LRP1B: variants seen among roughly 807,000 people sequenced by gnomAD.
LRP1B encodes the protein low-density lipoprotein receptor-related protein 1B.
LRP1B carries 217 observed loss-of-function variants against 556.6 expected under a neutral mutation model. That is an observed-to-expected ratio of 0.39 (90% CI 0.35 to 0.44). The LOEUF (loss-of-function observed/expected upper bound fraction) is 0.44, where lower values mean the gene tolerates loss of function less well. LRP1B is among the 20% of genes least tolerant of loss of function. LRP1B has a pLI of 1.00. For synonymous variants in LRP1B, 2,047 were observed against 1,865.8 expected, an observed-to-expected ratio of 1.10 and a Z score of -2.50; for missense variants, 5,053 against 5,620.8, an observed-to-expected ratio of 0.90 and a Z score of 3.23.
chr2:141,925,374 A>C (rs929169697), intron 1 of LRP1B, among the ~76,000 whole-genome samples: 18 of 152,184 alleles, frequency 1.2e-4, no homozygotes, highest in Admixed American at 1.2e-3. Flanking sequence ...ACAAATGAAG[A>C]GTTTGATACA....
At chr2:140,496,846 T>C (rs1339464267) in intron 55 of LRP1B, among the ~76,000 whole-genome samples, 1 of 151,954 alleles carries the variant, frequency 6.6e-6, no homozygotes, top group Non-Finnish European at 1.5e-5. Context: ...CAAAAGTAAC[T>C]AGTATTCAAG....
intron 1 of LRP1B, among the ~76,000 whole-genome samples, chr2:142,060,497 T>G (rs1015268094): frequency 9.2e-5 from 14 of 152,000 alleles, no homozygotes; most frequent in African/African-American, 2.4e-4. Context: ...AAGAGGTGGA[T>G]GGGTATGTCA....
At chr2:140,424,682 T>C (rs940952499) in intron 66 of LRP1B, among the ~76,000 whole-genome samples, 2 of 152,216 alleles carry the variant, frequency 1.3e-5, no homozygotes, top group African/African-American at 2.4e-5. Context: ...TTTTCAAAAG[T>C]GTATCATGCA....
At chr2:140,603,944 T>C (rs1682769102) in intron 41 of LRP1B, among the ~76,000 whole-genome samples, 1 of 152,098 alleles carries the variant, frequency 6.6e-6, no homozygotes, top group South Asian at 2.1e-4. Context: ...TGAGAGGGCA[T>C]GTGGCATGTA....
chr2:140,646,603 C>CACAT (rs142791165), intron 41 of LRP1B, among the ~76,000 whole-genome samples: 2,674 of 152,178 alleles, frequency 0.018, 44 homozygotes, highest in Admixed American at 0.047. Context: ...AAATAAAGTA[C>CACAT]ACATATAGCA....
intron 18 of LRP1B, among the ~76,000 whole-genome samples, chr2:140,957,116 T>G (rs1695897327): frequency 1.3e-5 from 2 of 151,754 alleles, no homozygotes; most frequent in African/African-American, 4.8e-5. Flanking sequence ...TGATAGATGT[T>G]ATTTTATAGG....
At chr2:141,367,020 T>C (rs1689065111) in intron 3 of LRP1B, among the ~76,000 whole-genome samples, 1 of 152,208 alleles carries the variant, frequency 6.6e-6, no homozygotes, top group South Asian at 2.1e-4. Context: ...TGTTGTTATG[T>C]GATTATGGAC....
intron 1 of LRP1B, among the ~76,000 whole-genome samples, chr2:141,982,493 C>A (rs1324600854): frequency 6.6e-6 from 1 of 152,060 alleles, no homozygotes; most frequent in Non-Finnish European, 1.5e-5. Context: ...GTGCAAATAC[C>A]ACTGCCCACT....
rs373569245 is a variant in LRP1B, at chr2:140,309,560, C to G, written c.12805+5375G>C. On this transcript the variant is annotated intron_variant, in intron 83 of 90. Coordinates refer to ENST00000389484, the MANE Select transcript of LRP1B (RefSeq NM_018557.3). ...TTCGACAGACTCTTACCTTTATTCT[C>G]TCACAGGTATCTTATGAAGATTCAA... Among the ~76,000 whole-genome samples, 3 of 151,864 alleles carry G rather than the reference C, an allele frequency of 2.0e-5. No individual in the cohort carries two copies. In the East Asian group the frequency reaches 5.8e-4, roughly 29 times the overall value.
intron 2 of LRP1B, among the ~76,000 whole-genome samples, chr2:141,667,795 G>A (rs13018092): frequency 0.084 from 12,712 of 152,050 alleles, 634 homozygotes; most frequent in South Asian, 0.15. Context: ...GTATACCTAT[G>A]TTTCCCTCCC....
At chr2:142,051,578 G>A (rs532784202) in intron 1 of LRP1B, among the ~76,000 whole-genome samples, 58 of 152,002 alleles carry the variant, frequency 3.8e-4, no homozygotes, top group South Asian at 3.5e-3. Flanking sequence ...CCTGGTTCAA[G>A]CAATTCTCCT....
chr2:140,439,483 C>A (rs1419561357), intron 66 of LRP1B, among the ~76,000 whole-genome samples: 1 of 152,052 alleles, frequency 6.6e-6, no homozygotes, highest in African/African-American at 2.4e-5. Flanking sequence ...GAATACGAGG[C>A]TAGCATAGAT....
rs371762969 is a variant in LRP1B, at chr2:140,516,877, A to G, written c.8149+12T>C. On this transcript the variant is annotated intron_variant, in intron 50 of 90. Coordinates refer to ENST00000389484, the MANE Select transcript of LRP1B (RefSeq NM_018557.3). ...AAGGTTAACAAAAACTAAGCTAAAT[A>G]CAATGTCTCACCACAGTGGAATTCA... 4 of 1,612,848 alleles carry G rather than the reference A, an allele frequency of 2.5e-6. No homozygotes were observed. The highest frequency in any genetic ancestry group is 3.4e-6 in the Non-Finnish European group (4 of 1,179,448).
intron 3 of LRP1B, among the ~76,000 whole-genome samples, chr2:141,397,551 C>T (rs1434207130): frequency 6.6e-6 from 1 of 151,776 alleles, no homozygotes; most frequent in Non-Finnish European, 1.5e-5. Flanking sequence ...TTAAAGGAAA[C>T]TGACTTAATA....
At chr2:141,651,830 A>G (rs561295608) in intron 2 of LRP1B, among the ~76,000 whole-genome samples, 14 of 152,346 alleles carry the variant, frequency 9.2e-5, no homozygotes, top group African/African-American at 3.1e-4. Flanking sequence ...ACAGGATTAT[A>G]TAATTTTTCG....
intron 2 of LRP1B, among the ~76,000 whole-genome samples, chr2:141,482,384 C>T (rs776598769): frequency 6.6e-6 from 1 of 152,002 alleles, no homozygotes; most frequent in Non-Finnish European, 1.5e-5. Context: ...GTAATTACTA[C>T]TGTACAAGGC....
intron 82 of LRP1B, among the ~76,000 whole-genome samples, chr2:140,321,497 T>G (rs1032247729): frequency 2.0e-5 from 3 of 152,008 alleles, no homozygotes; most frequent in Admixed American, 6.6e-5. Flanking sequence ...AGTAGTATTG[T>G]AAGTCCCATT....
At chr2:141,719,249 G>T (rs1692731559) in intron 2 of LRP1B, among the ~76,000 whole-genome samples, 2 of 152,098 alleles carry the variant, frequency 1.3e-5, no homozygotes, top group Non-Finnish European at 2.9e-5. Context: ...CAATCTCAAT[G>T]CAATCCCATC....
rs903847676 is a variant in LRP1B, at chr2:141,503,942, T to A, written c.206-23409A>T. ...TCTTAACACTAAGTATTTTACTCCATGTGTACACAGGAATAAATTAGAATT... is the reference window on the plus strand; with the variant it reads ...TCTTAACACTAAGTATTTTACTCCAAGTGTACACAGGAATAAATTAGAATT... On this transcript the variant is annotated intron_variant, in intron 2 of 90. Coordinates refer to ENST00000389484, the MANE Select transcript of LRP1B (RefSeq NM_018557.3). 8.8e-5 allele frequency among the ~76,000 whole-genome samples: 4 copies of A among 45,502 alleles called. No homozygotes were observed. In the East Asian group the frequency reaches 0.014, roughly 161 times the overall value. The allele number at this position is 45,502 out of a possible 152,430, so 29.9% of individuals were successfully genotyped here.
Sources: allele counts gnomAD v4.1 joint callset (sites outside exome capture counted in the v4.1 genomes callset), GRCh38; gene constraint gnomAD v4.1.1; transcripts MANE v1.5; gene names NCBI Gene and HGNC (gene_info 2026-07-23, HGNC 2026-07-21).